Variants in SORCS2 observed in about 807,000 individuals in gnomAD.
SORCS2 encodes sortilin related VPS10 domain containing receptor 2, also known as VPS10 domain-containing receptor SorCS2.
SORCS2 carries 100 observed loss-of-function variants against 141.6 expected under a neutral mutation model. The ratio of observed to expected loss-of-function variants is 0.71; its 90% CI spans 0.60 to 0.83. SORCS2 has a LOEUF of 0.83. Ranked by LOEUF, SORCS2 falls within the 40% of genes least tolerant of loss-of-function variation. The pLI is 0.00. For synonymous variants in SORCS2, 789 were observed against 676.9 expected (o/e 1.17, Z -2.57); for missense variants, 1,646 against 1,560.2 (o/e 1.05, Z -0.93).
At chr4:7,448,490 CCTTCCTTTCCTTTCCAT>C (rs1728151453) in intron 2 of SORCS2, among the ~76,000 whole-genome samples, 1 of 8,310 alleles carries the variant, frequency 1.2e-4, no homozygotes, top group East Asian at 8.5e-3. Flanking sequence ...TCCATGTCTC[CCTTCCTTTCCTTTCCAT>C]CTCCCTCCCT....
At chr4:7,506,173 G>A (rs189569407) in intron 2 of SORCS2, among the ~76,000 whole-genome samples, 124 of 152,230 alleles carry the variant, frequency 8.1e-4, no homozygotes, top group African/African-American at 2.7e-3. Flanking sequence ...TCCTGTGTGC[G>A]AGAGTCCCAG....
intron 2 of SORCS2, among the ~76,000 whole-genome samples, chr4:7,488,996 A>G (rs944424047): frequency 6.6e-6 from 1 of 152,148 alleles, no homozygotes; most frequent in Non-Finnish European, 1.5e-5. Flanking sequence ...CATTCATTCA[A>G]CGTTTACTAA....
chr4:7,701,892 AC>A, intron 12 of SORCS2, among the ~76,000 whole-genome samples: 1 of 152,048 alleles, frequency 6.6e-6, no homozygotes, highest in Non-Finnish European at 1.5e-5. Flanking sequence ...AGCCTGGGGT[AC>A]CCCCAGCCCA....
chr4:7,480,341 A>G (rs1429911426), intron 2 of SORCS2, among the ~76,000 whole-genome samples: 1 of 152,136 alleles, frequency 6.6e-6, no homozygotes, highest in Non-Finnish European at 1.5e-5. Flanking sequence ...TAGACTAGAG[A>G]TGGACATGGA....
At chr4:7,540,543 G>T (rs1712545190) in intron 3 of SORCS2, among the ~76,000 whole-genome samples, 1 of 152,216 alleles carries the variant, frequency 6.6e-6, no homozygotes, top group Non-Finnish European at 1.5e-5. Flanking sequence ...TGCCCTTAAG[G>T]CGTTCTGAGC....
chr4:7,640,016 T>C (rs968961895), intron 4 of SORCS2, among the ~76,000 whole-genome samples: 5 of 150,806 alleles, frequency 3.3e-5, no homozygotes, highest in Admixed American at 2.7e-4. Context: ...TGCATGTCTG[T>C]GGGAGTGTGT....
At chr4:7,207,112 C>T (rs142007141) in intron 1 of SORCS2, among the ~76,000 whole-genome samples, 13 of 152,348 alleles carry the variant, frequency 8.5e-5, no homozygotes, top group African/African-American at 3.1e-4. Context: ...AGCCTTCTCT[C>T]TGGGCCAGCT....
chr4:7,591,395 G>A (rs1043118789), intron 3 of SORCS2, among the ~76,000 whole-genome samples: 1 of 152,150 alleles, frequency 6.6e-6, no homozygotes, highest in African/African-American at 2.4e-5. Context: ...CTCCCTCCAA[G>A]CCTGGTGCTA....
chr4:7,497,749 A>T (rs1402714125), intron 2 of SORCS2, among the ~76,000 whole-genome samples: 1 of 152,264 alleles, frequency 6.6e-6, no homozygotes, highest in Non-Finnish European at 1.5e-5. Context: ...AGGATCCACA[A>T]GGGTGAGTGA....
At chr4:7,713,899 C>G (rs1318671458) in intron 15 of SORCS2, among the ~76,000 whole-genome samples, 1 of 152,210 alleles carries the variant, frequency 6.6e-6, no homozygotes, top group Non-Finnish European at 1.5e-5. Flanking sequence ...CCACTGTGTG[C>G]CTGTGAGCCC....
intron 1 of SORCS2, among the ~76,000 whole-genome samples, chr4:7,282,752 C>T (rs539007219): frequency 1.4e-4 from 21 of 152,276 alleles, no homozygotes; most frequent in Middle Eastern, 6.8e-3. Flanking sequence ...GTGATAGTCT[C>T]ACCGCGAGGC....
chr4:7,228,776 C>T (rs2108772382), intron 1 of SORCS2, among the ~76,000 whole-genome samples: 1 of 152,366 alleles, frequency 6.6e-6, no homozygotes, highest in Middle Eastern at 3.4e-3. Context: ...CAGGCATGTG[C>T]TGGGTGGCTG....
intron 1 of SORCS2, among the ~76,000 whole-genome samples, chr4:7,306,692 A>G (rs1189779690): frequency 6.6e-6 from 1 of 152,134 alleles, no homozygotes. Flanking sequence ...TGTGCTCTCC[A>G]GTTGCTGTCC....
At chr4:7,207,932 A>G (rs1727838534) in intron 1 of SORCS2, among the ~76,000 whole-genome samples, 2 of 152,126 alleles carry the variant, frequency 1.3e-5, no homozygotes, top group African/African-American at 4.8e-5. Flanking sequence ...GTGGCCGAGC[A>G]GAGGGCTGGG....
intron 1 of SORCS2, among the ~76,000 whole-genome samples, chr4:7,289,795 C>T (rs944184851): frequency 1.3e-5 from 2 of 152,202 alleles, no homozygotes; most frequent in African/African-American, 4.8e-5. Flanking sequence ...AGGCTATTTG[C>T]ACATCCCAAA....
chr4:7,623,282 T>A (rs1037046502), intron 3 of SORCS2, among the ~76,000 whole-genome samples: 15 of 152,074 alleles, frequency 9.9e-5, no homozygotes, highest in African/African-American at 3.6e-4. Flanking sequence ...TACTGGTGCC[T>A]GGAGACATCC....
intron 1 of SORCS2, among the ~76,000 whole-genome samples, chr4:7,292,067 C>T (rs574467300): frequency 6.6e-6 from 1 of 152,208 alleles, no homozygotes; most frequent in South Asian, 2.1e-4. Context: ...CATGGGAAAC[C>T]AGACCAGCCT....
At chr4:7,370,984 C>T (rs1560225999) in intron 1 of SORCS2, among the ~76,000 whole-genome samples, 1 of 152,192 alleles carries the variant, frequency 6.6e-6, no homozygotes, top group Non-Finnish European at 1.5e-5. Flanking sequence ...AATGTGGGTC[C>T]CTGCTGGGCC....
At chr4:7,733,510 T>G in intron 24 of SORCS2, 89 bp downstream of exon 24, 2 of 1,061,102 alleles carry the variant, frequency 1.9e-6, no homozygotes, top group Non-Finnish European at 2.7e-6. Context: ...CTCGGGCAGA[T>G]GGCCCGTATC....
Sources: allele counts gnomAD v4.1 joint callset (sites outside exome capture counted in the v4.1 genomes callset), GRCh38; gene constraint gnomAD v4.1.1; transcripts MANE v1.5; gene names NCBI Gene and HGNC (gene_info 2026-07-23, HGNC 2026-07-21).